The following NHS variants were observed in gnomAD, a reference collection of about 807,000 sequenced individuals.
The protein encoded by NHS is NHS actin remodeling regulator.
Under a neutral mutation model 72.5 loss-of-function variants are expected in NHS, and 5 were observed. The ratio of observed to expected loss-of-function variants is 0.07; its 90% CI spans 0.04 to 0.14. The LOEUF (loss-of-function observed/expected upper bound fraction) is 0.14, where lower values mean the gene tolerates loss of function less well. Among genes scored for constraint, NHS ranks in the 10% least tolerant of loss-of-function variants. The pLI, the probability that NHS is intolerant of heterozygous loss-of-function variation, is 1.00. For missense variants in NHS, 1,072 were observed against 1,355.7 expected, an observed-to-expected ratio of 0.79 and a Z score of 3.29; for synonymous variants, 464 against 547.7, an observed-to-expected ratio of 0.85 and a Z score of 2.13.
intron 1 of NHS, among the ~76,000 whole-genome samples, chrX:17,610,153 CAG>C (rs2147056057): frequency 8.9e-6 from 1 of 111,975 alleles, no homozygotes; most frequent in South Asian, 3.8e-4. Flanking sequence ...CTGGTGACTG[CAG>C]AGTTTCTACA....
intron 3 of NHS, among the ~76,000 whole-genome samples, chrX:17,718,118 T>A: frequency 9.0e-6 from 1 of 110,581 alleles, no homozygotes; most frequent in East Asian, 2.9e-4. Flanking sequence ...CTTTACTCAT[T>A]TAATCCTCAA....
intron 1 of NHS, among the ~76,000 whole-genome samples, chrX:17,621,898 G>A (rs1425526880): frequency 1.8e-5 from 2 of 111,936 alleles, no homozygotes; most frequent in African/African-American, 6.5e-5. Flanking sequence ...GGACTGAAGA[G>A]TACTTTGAGC....
chrX:17,537,551 G>C (rs1202943981), intron 1 of NHS, among the ~76,000 whole-genome samples: 1 of 112,397 alleles, frequency 8.9e-6, no homozygotes, highest in Non-Finnish European at 1.9e-5. Flanking sequence ...TTCTGTAAAA[G>C]GACAAAGTTG....
rs185152144 is a variant in NHS at position 17,448,001 on chromosome X, T to C, written c.565+71679T>C. Among the ~76,000 whole-genome samples the C allele has an allele frequency of 1.5e-3, 169 of 112,036 alleles. 1 individual carries two copies. Among genetic ancestry groups the C allele is most frequent in the African/African-American group, 5.1e-3 (156 of 30,861 alleles). On this transcript the variant is annotated intron_variant, in intron 1 of 8. Coordinates refer to ENST00000676302, the MANE Select transcript of NHS (RefSeq NM_001291867.2). Reference sequence around the variant, plus strand: ...TCTTTTAGCTCCATCGCTGTTCCATTCCCAAGTCCCCTCCTTGTTGAACTG... The same window carrying C: ...TCTTTTAGCTCCATCGCTGTTCCATCCCCAAGTCCCCTCCTTGTTGAACTG...
intron 1 of NHS, among the ~76,000 whole-genome samples, chrX:17,400,111 C>A (rs755814778): frequency 1.8e-5 from 2 of 111,504 alleles, no homozygotes; most frequent in Non-Finnish European, 3.8e-5. Context: ...ATTGGAAAAG[C>A]AGAAGTAAAA....
At chrX:17,553,006 G>A (rs1186875392) in intron 1 of NHS, among the ~76,000 whole-genome samples, 2 of 112,785 alleles carry the variant, frequency 1.8e-5, no homozygotes, top group African/African-American at 6.4e-5. Flanking sequence ...ACTCATCCTG[G>A]TTTGCCCAGG....
At chrX:17,416,454 T>A (rs900913007) in intron 1 of NHS, among the ~76,000 whole-genome samples, 2 of 112,090 alleles carry the variant, frequency 1.8e-5, no homozygotes, top group Admixed American at 1.9e-4. Context: ...CCTTTTCTTC[T>A]CTTTTTCACT....
At chrX:17,458,089 T>G (rs938442427) in intron 1 of NHS, among the ~76,000 whole-genome samples, 1 of 112,209 alleles carries the variant, frequency 8.9e-6, no homozygotes, top group African/African-American at 3.2e-5. Flanking sequence ...TGTATGGAGA[T>G]ATATGCATAC....
chrX:17,476,106 A>C (rs1482935137), intron 1 of NHS, among the ~76,000 whole-genome samples: 1 of 111,952 alleles, frequency 8.9e-6, no homozygotes, highest in Non-Finnish European at 1.9e-5. Context: ...AGAAAGCCTG[A>C]GTTTTTAGAG....
intron 1 of NHS, among the ~76,000 whole-genome samples, chrX:17,457,387 A>T (rs1271131590): frequency 1.8e-5 from 2 of 111,127 alleles, no homozygotes; most frequent in African/African-American, 6.6e-5. Flanking sequence ...AGGTGAAGGG[A>T]GTCACCTGGC....
intron 1 of NHS, among the ~76,000 whole-genome samples, chrX:17,473,044 T>C (rs1214326423): frequency 8.9e-6 from 1 of 112,303 alleles, no homozygotes; most frequent in Non-Finnish European, 1.9e-5. Context: ...TAAACACACA[T>C]GATTTATTTA....
intron 1 of NHS, among the ~76,000 whole-genome samples, chrX:17,580,335 T>G (rs2065536656): frequency 8.9e-6 from 1 of 111,893 alleles, no homozygotes; most frequent in African/African-American, 3.3e-5. Flanking sequence ...CATTAAGCTA[T>G]TCAACAAGTA....
chrX:17,732,001 G>A lies in NHS; in HGVS notation c.4493G>A (p.Arg1498Lys), dbSNP rs1461467007. Residue 1498 changes from arginine (R) to lysine (K), a missense_variant, in exon 9 of 9, where the codon AGG becomes AAG. Coordinates refer to ENST00000676302, the MANE Select transcript of NHS (RefSeq NM_001291867.2). ...SSNVTTPNSQ[R>K]SPGLIYRNAK... is the part of the protein sequence containing the mutation. ...AATGTGACAACCCCCAACAGCCAGA[G>A]GTCTCCTGGTCTCATATACCGAAAT... 2 of 1,209,466 alleles carry A rather than the reference G, an allele frequency of 1.7e-6. No individual in the cohort carries two copies. The highest frequency in any genetic ancestry group is 2.3e-4 in the Middle Eastern group (1 of 4,373).
intron 1 of NHS, among the ~76,000 whole-genome samples, chrX:17,418,074 T>C (rs967206919): frequency 8.9e-6 from 1 of 111,912 alleles, no homozygotes; most frequent in African/African-American, 3.2e-5. Context: ...TTATTTATCA[T>C]GAAGCTGCTC....
Position 17,726,330 on chromosome X carries a change from C to T in NHS, c.2224C>T (p.Arg742Cys), listed in dbSNP as rs1200104488. ...CTGCCGCCAGGATTTTAGTCCTGAG[C>T]GTCCCAAGGCAGACAGCCTGGGCTG... Reference protein sequence around the residue: ...ASCRQDFSPERPKADSLGCPS... With the variant: ...ASCRQDFSPECPKADSLGCPS... The change falls in exon 7 of 9, where the codon CGT becomes TGT. Residue 742 changes from arginine to cysteine, a missense_variant. Transcript: ENST00000676302. 2.5e-6 allele frequency: 3 copies of T among 1,210,494 alleles called. No individual in the cohort carries two copies. The highest frequency in any genetic ancestry group is 3.5e-5 in the South Asian group (2 of 56,845).
chrX:17,607,751 T>G (rs760678108), intron 1 of NHS, among the ~76,000 whole-genome samples: 61 of 110,540 alleles, frequency 5.5e-4, no homozygotes, highest in African/African-American at 2.0e-3. Context: ...AATTTTTAAT[T>G]TTCTTAATTT....
At chrX:17,600,585 TC>T (rs1244819997) in intron 1 of NHS, among the ~76,000 whole-genome samples, 4 of 112,059 alleles carry the variant, frequency 3.6e-5, no homozygotes, top group African/African-American at 1.3e-4. Flanking sequence ...CTGTACAAAT[TC>T]CTAGGAGGGA....
chrX:17,680,624 GT>G (rs780201798), intron 1 of NHS, among the ~76,000 whole-genome samples: 1 of 112,412 alleles, frequency 8.9e-6, no homozygotes, highest in East Asian at 2.8e-4. Context: ...CTGTTTGTTT[GT>G]TTTTTAATTA....
intron 1 of NHS, among the ~76,000 whole-genome samples, chrX:17,424,371 A>G (rs113943859): frequency 0.014 from 1,595 of 111,543 alleles, 34 homozygotes; most frequent in African/African-American, 0.049. Context: ...ACTAGACTTT[A>G]AGGAGAGATT....
Sources: allele counts gnomAD v4.1 joint callset (sites outside exome capture counted in the v4.1 genomes callset), GRCh38; gene constraint gnomAD v4.1.1; transcripts MANE v1.5; gene names NCBI Gene and HGNC (gene_info 2026-07-23, HGNC 2026-07-21).